TF: variants seen among roughly 807,000 people sequenced by gnomAD.
The protein encoded by TF is serotransferrin.
Under a neutral mutation model 82.4 loss-of-function variants are expected in TF, and 55 were observed. The ratio of observed to expected loss-of-function variants is 0.67; its 90% CI spans 0.54 to 0.84. The LOEUF is 0.84. TF is among the 40% of genes least tolerant of loss of function. TF has a pLI of 0.00. For missense variants in TF, 737 were observed against 868.4 expected (o/e 0.85, Z 1.90); for synonymous variants, 332 against 332.6 (o/e 1.00, Z 0.02).
the TF span, among the ~76,000 whole-genome samples, chr3:133,715,596 CCTCTT>C: frequency 6.6e-6 from 1 of 152,202 alleles, no homozygotes; most frequent in Non-Finnish European, 1.5e-5. Flanking sequence ...TCCCATTTCT[CCTCTT>C]CTTTTTACAA....
chr3:133,778,734 C>A lies in TF; in HGVS notation c.*114C>A. ...GTGCTAACCACGTCTGTCTTCACAG[C>A]TCTGTGTTGCCATGTGTGCTGAACA... On this transcript the variant is annotated 3_prime_UTR_variant, in exon 17 of 17. Coordinates refer to ENST00000402696, the MANE Select transcript of TF (RefSeq NM_001063.4). The A allele has an allele frequency of 9.6e-7, 1 of 1,042,816 alleles. No individual in the cohort carries two copies. Among genetic ancestry groups the A allele is most frequent in the Non-Finnish European group, 1.5e-6 (1 of 679,060 alleles). 64.6% of individuals were successfully genotyped at this position (1,042,816 alleles called of 1,614,324 possible).
chr3:133,704,861 G>A, the TF span, among the ~76,000 whole-genome samples: 401 of 152,302 alleles, frequency 2.6e-3, 2 homozygotes, highest in African/African-American at 9.2e-3. Flanking sequence ...GTGTAAAAGA[G>A]GGTTTCCCTA....
At chr3:133,712,115 G>C in the TF span, among the ~76,000 whole-genome samples, 1 of 152,156 alleles carries the variant, frequency 6.6e-6, no homozygotes, top group East Asian at 1.9e-4. Flanking sequence ...AGAGCAAAGA[G>C]GGAAACATGA....
the TF span, chr3:133,699,295 G>GT: frequency 2.6e-6 from 1 of 380,302 alleles, no homozygotes; most frequent in Non-Finnish European, 5.1e-6. Flanking sequence ...GAGGCCTCTA[G>GT]TCCTTATCTG....
the TF span, among the ~76,000 whole-genome samples, chr3:133,673,755 A>AT: frequency 1.1e-4 from 16 of 152,312 alleles, no homozygotes; most frequent in Admixed American, 3.9e-4. Context: ...GGTGCTGGTT[A>AT]TGTGGGTGTG....
intron 14 of TF, chr3:133,770,840 G>C (rs757520485): frequency 4.4e-5 from 24 of 546,726 alleles, no homozygotes; most frequent in South Asian, 8.9e-5. Context: ...AAATACTTCA[G>C]TGCCTATTTC....
chr3:133,663,030 C>A, the TF span, among the ~76,000 whole-genome samples: 1 of 152,188 alleles, frequency 6.6e-6, no homozygotes, highest in African/African-American at 2.4e-5. Context: ...CTGTGCATTT[C>A]CTTGGAAAAT....
intron 13 of TF, among the ~76,000 whole-genome samples, chr3:133,770,018 A>C (rs1934221341): frequency 6.6e-6 from 1 of 152,130 alleles, no homozygotes; most frequent in African/African-American, 2.4e-5. Context: ...ATTTCTCAAA[A>C]ACAAAAACAA....
intron 12 of TF, among the ~76,000 whole-genome samples, chr3:133,766,699 C>T (rs910212504): frequency 2.0e-5 from 3 of 152,092 alleles, no homozygotes; most frequent in Non-Finnish European, 2.9e-5. Flanking sequence ...GGAGAAAGAC[C>T]AGAGGTGAGC....
chr3:133,680,353 A>G, the TF span, among the ~76,000 whole-genome samples: 1 of 151,810 alleles, frequency 6.6e-6, no homozygotes, highest in South Asian at 2.1e-4. Flanking sequence ...CTACAGGCAC[A>G]TGCCACCACA....
At chr3:133,745,438 C>G (rs1432358112), upstream of TF, among the ~76,000 whole-genome samples, 1 of 152,186 alleles carries the variant, frequency 6.6e-6, no homozygotes, top group East Asian at 1.9e-4. Context: ...TTAGCTCATC[C>G]TTTTACAAAT....
At chr3:133,682,753 G>T in the TF span, among the ~76,000 whole-genome samples, 14 of 92,282 alleles carry the variant, frequency 1.5e-4, no homozygotes, top group Non-Finnish European at 2.3e-4. Context: ...TGAAAGTGAC[G>T]GGGAGTGGAA....
rs1576370421 is a variant in TF at position 133,780,518 on chromosome 3, G to A, written c.*1898G>A. 1 of 152,040 alleles carries A rather than the reference G, an allele frequency of 6.6e-6. No homozygotes were observed. The highest frequency in any genetic ancestry group is 2.4e-5 in the African/African-American group (1 of 41,376). 9.4% of individuals were successfully genotyped at this position (152,040 alleles called of 1,614,324 possible). A position where few individuals can be genotyped will look rare whatever the true frequency, so the allele number is the denominator to read the frequency against. ...AAACAAAAGCTAATACATACCTAAT[G>A]ATGAAGAAACAGAAGCATTCCTACT... On this transcript the variant is annotated 3_prime_UTR_variant, in exon 17 of 17. Coordinates refer to ENST00000402696, the MANE Select transcript of TF (RefSeq NM_001063.4).
the TF span, among the ~76,000 whole-genome samples, chr3:133,681,551 A>ATATCCCAT: frequency 7.9e-5 from 12 of 152,234 alleles, no homozygotes; most frequent in Non-Finnish European, 1.6e-4. Flanking sequence ...CCAGGAGATT[A>ATATCCCAT]TATCCCACAC....
rs1934523864 is a variant in TF at position 133,781,942 on chromosome 3, A to G, written c.*3322A>G. On this transcript the variant is annotated 3_prime_UTR_variant, in exon 17 of 17. Transcript: ENST00000402696. ...GATACAACAAATTGATAAAGAACTC[A>G]TACAACTCAATAGCAGGAAAACAAA... The G allele has an allele frequency of 6.6e-6, 1 of 152,222 alleles. No individual in the cohort carries two copies. The highest frequency in any genetic ancestry group is 6.5e-5 in the Admixed American group (1 of 15,284). 9.4% of individuals were successfully genotyped at this position (152,222 alleles called of 1,614,324 possible). A position where few individuals can be genotyped will look rare whatever the true frequency, so the allele number is the denominator to read the frequency against.
chr3:133,674,873 G>A, the TF span, among the ~76,000 whole-genome samples: 1 of 152,174 alleles, frequency 6.6e-6, no homozygotes, highest in South Asian at 2.1e-4. Context: ...TGCAGACTAT[G>A]ACTAGCTGGC....
chr3:133,680,894 T>A, the TF span, among the ~76,000 whole-genome samples: 80,269 of 151,806 alleles, frequency 0.53, 22,113 homozygotes, highest in African/African-American at 0.69. Context: ...ACAGTTTTTT[T>A]AAAAAATCTC....
chr3:133,681,541 C>A, the TF span, among the ~76,000 whole-genome samples: 5 of 152,356 alleles, frequency 3.3e-5, no homozygotes, highest in African/African-American at 1.2e-4. Context: ...AAACGGCACA[C>A]CAGGAGATTA....
rs1934487110 is a variant in TF at position 133,780,174 on chromosome 3, T to C, written c.*1554T>C. The C allele has an allele frequency of 6.6e-6, 1 of 152,230 alleles. No homozygotes were observed. The highest frequency in any genetic ancestry group is 1.5e-5 in the Non-Finnish European group (1 of 68,046). 9.4% of individuals were successfully genotyped at this position (152,230 alleles called of 1,614,324 possible). ...TCCACTTTGCAGTCCAGACCTGATA[T>C]GGACCGTTTTACACACAGCCCTGCT... On this transcript the variant is annotated 3_prime_UTR_variant, in exon 17 of 17. Transcript: ENST00000402696.
Sources: allele counts gnomAD v4.1 joint callset (sites outside exome capture counted in the v4.1 genomes callset), GRCh38; gene constraint gnomAD v4.1.1; transcripts MANE v1.5; gene names NCBI Gene and HGNC (gene_info 2026-07-23, HGNC 2026-07-21).